TNS2: variants seen among roughly 807,000 people sequenced by gnomAD.
TNS2 encodes the protein tensin-2.
In TNS2, 77 loss-of-function variants were observed where a neutral mutation model predicts 155.7. The ratio of observed to expected loss-of-function variants is 0.49; its 90% confidence interval spans 0.41 to 0.60. The LOEUF is 0.60. Among genes scored for constraint, TNS2 ranks in the 20% least tolerant of loss-of-function variants. The pLI, the probability that TNS2 is intolerant of heterozygous loss-of-function variation, is 0.00. For synonymous variants in TNS2, 726 were observed against 763.9 expected (o/e 0.95, Z 0.82); for missense variants, 1,703 against 1,868.8 (o/e 0.91, Z 1.64).
rs1565614499 is a variant in TNS2 at position 53,063,407 on chromosome 12, C to G, written c.4051C>G (p.Gln1351Glu). The G allele has an allele frequency of 6.2e-7, 1 of 1,614,078 alleles. No homozygotes were observed. The change falls in exon 27 of 29, where the codon CAA (glutamine) becomes GAA (glutamate). Residue 1351 changes from glutamine (Q) to glutamate (E), a missense_variant. Physicochemically the swap from Gln to Glu is conservative, Grantham distance 29. Transcript: ENST00000314250. This position sits in a 1 kb window ranked among gnomAD's most constrained non-coding sequence, Gnocchi z 5.6. ...NSITFSSTDPQDRRWTNPDGT... is the reference protein window; with the variant it reads ...NSITFSSTDPEDRRWTNPDGT... ...CATCACCTTCTCCAGCACTGACCCT[C>G]AAGACCGGAGGTGACTCTCCCTCCA... is the stretch of plus-strand genomic sequence containing the variant.
rs1944305934 is a variant in TNS2 at position 53,059,648 on chromosome 12, C to CA, written c.2007_2008insA (p.Ala670SerfsTer51). 3 of 1,613,258 alleles carry CA rather than the reference C, an allele frequency of 1.9e-6. No individual in the cohort carries two copies. The highest frequency in any genetic ancestry group is 2.2e-5 in the South Asian group (2 of 91,088). ...CAGCCACTGGGGACTTTGGCTACCG[C>CA]GCCCCAGGCTACCGGGAGGTGGTCA... On this transcript the variant is annotated frameshift_variant, in exon 18 of 29. Transcript: ENST00000314250. LOFTEE classifies it high-confidence loss of function. The surrounding 1 kb of genome is among the most constrained non-coding windows in gnomAD (Gnocchi z 4.7).
At chr12:53,057,718 C>T in intron 12 of TNS2, 39 bp downstream of exon 12, 1 of 1,613,666 alleles carries the variant, frequency 6.2e-7, no homozygotes, top group African/African-American at 1.3e-5. Context: ...GGAGAACCAC[C>T]TTCAGGCCCT....
In TNS2 at chr12:53,057,081, A is replaced by G. The variant is rs746785173; in HGVS notation, c.830A>G (p.Gln277Arg). The G allele has an allele frequency of 3.7e-6, 6 of 1,613,140 alleles. No homozygotes were observed. In the Admixed American group the frequency reaches 1.0e-4, roughly 27 times the overall value. The change falls in exon 11 of 29, where the codon CAG (glutamine) becomes CGG (arginine). Residue 277 changes from glutamine (Q) to arginine (R), a missense_variant. Transcript: ENST00000314250. The stretch of plus-strand genomic sequence containing the variant: ...GAGGACAAGGTGGCCACAGAACTGC[A>G]GCCCTCCCAGCGTCGGTGAGCAGCC... ...FCEDKVATEL[Q>R]PSQRRYISYF...
Position 53,060,289 on chromosome 12 carries a change from G to T in TNS2, c.2617+31G>T. On this transcript the variant is annotated intron_variant, in intron 18 of 28. Coordinates refer to ENST00000314250, the MANE Select transcript of TNS2 (RefSeq NM_170754.4). This position sits in a 1 kb window ranked among gnomAD's most constrained non-coding sequence, Gnocchi z 6.1. ...GGGCACCAGAGTGCGGAGTGCCCAGGGCAGAGGAGGTTCTGGAAGATGGTG... is the reference window on the plus strand; with the variant it reads ...GGGCACCAGAGTGCGGAGTGCCCAGTGCAGAGGAGGTTCTGGAAGATGGTG... 1 of 1,546,250 alleles carries T rather than the reference G, an allele frequency of 6.5e-7. No individual in the cohort carries two copies. The highest frequency in any genetic ancestry group is 1.2e-5 in the South Asian group (1 of 81,678).
rs928030358 is a variant in TNS2, at chr12:53,059,194, C to T, written c.1553C>T (p.Thr518Met). The change falls in exon 18 of 29, where the codon ACG becomes ATG. Residue 518 changes from threonine to methionine, a missense_variant. Physicochemically the swap from Thr to Met is moderately conservative, Grantham distance 81 (BLOSUM62 -1). Transcript: ENST00000314250. This position sits in a 1 kb window ranked among gnomAD's most constrained non-coding sequence, Gnocchi z 4.7. ...SVSSDSGHSS[T>M]LTTEPAAESP... is the part of the protein sequence containing the mutation. ...AGCAGCGACTCAGGCCATTCCTCCA[C>T]GCTGACCACAGAGCCGGCTGCTGAG... 1.6e-5 allele frequency: 26 copies of T among 1,597,482 alleles called. No homozygotes were observed. The highest frequency in any genetic ancestry group is 3.3e-5 in the South Asian group (3 of 90,012).
In TNS2 at chr12:53,059,800, A is replaced by G; in HGVS notation, c.2159A>G (p.Glu720Gly). Residue 720 changes from glutamate to glycine, a missense_variant, in exon 18 of 29, where the codon GAG (glutamate) becomes GGG (glycine). Coordinates refer to ENST00000314250, the MANE Select transcript of TNS2 (RefSeq NM_170754.4). This position sits in a 1 kb window ranked among gnomAD's most constrained non-coding sequence, Gnocchi z 4.7. ...EREAGEGWAS[E>G]AGKPLLHPVR... ...GAGGCTGGAGAAGGGTGGGCAAGTG[A>G]GGCTGGCAAGCCTCTCCTGCACCCA... 1 of 1,612,450 alleles carries G rather than the reference A, an allele frequency of 6.2e-7. No homozygotes were observed. Among genetic ancestry groups the G allele is most frequent in the Non-Finnish European group, 8.5e-7 (1 of 1,179,686 alleles).
rs188102991 is a variant in TNS2 at position 53,054,427 on chromosome 12, C to T, written c.508C>T (p.Arg170Trp). 16 of 1,604,156 alleles carry T rather than the reference C, an allele frequency of 1.0e-5. No homozygotes were observed. Among genetic ancestry groups the T allele is most frequent in the African/African-American group, 4.0e-5 (3 of 74,350 alleles). Residue 170 changes from arginine to tryptophan, a missense_variant, in exon 7 of 29, where the codon CGG becomes TGG. Arg to Trp is a moderately radical substitution (Grantham distance 101, BLOSUM62 -3). Coordinates refer to ENST00000314250, the MANE Select transcript of TNS2 (RefSeq NM_170754.4). ...ELAHVLQSKH[R>W]DKYLLFNLSE... The stretch of plus-strand genomic sequence containing the variant: ...GGCCCATGTGCTGCAATCCAAGCAC[C>T]GGGACAAGTACCTGGTGAGGGGCGG...
intron 7 of TNS2, 106 bp from the exon 8 acceptor site, chr12:53,055,080 G>C (rs528195491): frequency 1.5e-6 from 2 of 1,346,350 alleles, no homozygotes. Flanking sequence ...TACTGCGACC[G>C]GCCTGCACCT....
intron 21 of TNS2, 111 bp from the exon 22 acceptor site, chr12:53,061,704 G>A: frequency 6.6e-7 from 1 of 1,518,978 alleles, no homozygotes; most frequent in Non-Finnish European, 8.8e-7. Flanking sequence ...CGCCACCACA[G>A]CTGTCAGGGC....
At chr12:53,049,352 G>T (rs1943841238), upstream of TNS2, 1 of 972,478 alleles carries the variant, frequency 1.0e-6, no homozygotes, top group Non-Finnish European at 1.5e-6. Context: ...GTGAGATCAT[G>T]TCTGAAACAA....
At chr12:53,052,614 C>A (rs1451270436) in intron 3 of TNS2, 122 bp downstream of exon 3, 23 of 1,369,686 alleles carry the variant, frequency 1.7e-5, no homozygotes, top group South Asian at 1.2e-5. Context: ...CACTGGGGAA[C>A]CCCTCCTGGG....
chr12:53,060,174 A>G lies in TNS2; in HGVS notation c.2533A>G (p.Ser845Gly), dbSNP rs893149805. The G allele has an allele frequency of 1.9e-6, 3 of 1,604,310 alleles. No homozygotes were observed. Among genetic ancestry groups the G allele is most frequent in the Non-Finnish European group, 2.6e-6 (3 of 1,175,098 alleles). ...GCCCTATCCACAATCTAGGAAGCTGAGCTACGAGATCCCTACGGAGGAGGG... is the reference window on the plus strand; with the variant it reads ...GCCCTATCCACAATCTAGGAAGCTGGGCTACGAGATCCCTACGGAGGAGGG... ...SPPYPQSRKL[S>G]YEIPTEEGGD... The change falls in exon 18 of 29, where the codon AGC becomes GGC. Residue 845 changes from serine to glycine, a missense_variant. Ser to Gly is a moderately conservative substitution (Grantham distance 56). Transcript: ENST00000314250. This position sits in a 1 kb window ranked among gnomAD's most constrained non-coding sequence, Gnocchi z 6.1.
rs757431869 is a variant in TNS2, at chr12:53,054,346, G to A, written c.427G>A (p.Ala143Thr). The A allele has an allele frequency of 6.2e-7, 1 of 1,612,818 alleles. No individual in the cohort carries two copies. The highest frequency in any genetic ancestry group is 2.2e-5 in the East Asian group (1 of 44,866). The change falls in exon 7 of 29, where the codon GCC becomes ACC. Residue 143 changes from alanine to threonine, a missense_variant. Coordinates refer to ENST00000314250, the MANE Select transcript of TNS2 (RefSeq NM_170754.4). ...LTYVTERILA[A>T]AFPARPDEQR... ...CTACGTGACGGAGCGCATCTTGGCC[G>A]CCGCCTTCCCCGCGCGGCCCGATGA...
At position 53,063,482 on chromosome 12, in the gene TNS2, C is replaced by G; in HGVS notation, c.4061+65C>G. 6.2e-7 allele frequency: 1 copy of G among 1,611,294 alleles called. No individual in the cohort carries two copies. The highest frequency in any genetic ancestry group is 8.5e-7 in the Non-Finnish European group (1 of 1,179,506). ...GTCCCACCAGGTCCCAGCTCCCAGC[C>G]CCAGCCCCAGCCCCGGCCCCGGCCC... On this transcript the variant is annotated intron_variant, in intron 27 of 28. Transcript: ENST00000314250. This position sits in a 1 kb window ranked among gnomAD's most constrained non-coding sequence, Gnocchi z 5.6.
chr12:53,060,748 CCT>C lies in TNS2; in HGVS notation c.2843_2844del (p.Pro948ArgfsTer11), dbSNP rs767278652. On this transcript the variant is annotated frameshift_variant, in exon 20 of 29. Transcript: ENST00000314250. LOFTEE classifies it high-confidence loss of function. The surrounding 1 kb of genome is among the most constrained non-coding windows in gnomAD (Gnocchi z 6.1). The part of the protein sequence containing the change: ...QRLSPGEALP[P>X]VSQAGTGKAP... Reference sequence around the variant, plus strand: ...ACTGAGTCCTGGCGAGGCCTTGCCCCCTGTTTCCCAGGCAGGCACCGGAAAGG... The same window carrying C: ...ACTGAGTCCTGGCGAGGCCTTGCCCCGTTTCCCAGGCAGGCACCGGAAAGG... The C allele has an allele frequency of 1.6e-5, 26 of 1,611,138 alleles. No individual in the cohort carries two copies. The highest frequency in any genetic ancestry group is 5.5e-5 in the South Asian group (5 of 90,902).
chr12:53,053,796 G>A lies in TNS2; in HGVS notation c.284G>A (p.Arg95Lys), dbSNP rs1045470481. 2 of 1,612,234 alleles carry A rather than the reference G, an allele frequency of 1.2e-6. No individual in the cohort carries two copies. Among genetic ancestry groups the A allele is most frequent in the Non-Finnish European group, 1.7e-6 (2 of 1,179,390 alleles). Reference sequence around the variant, plus strand: ...TAGCGGCGAAACACGGCCCCAGTCAGGCGCATAGAGCACCTGGTAAGGTGA... The same window carrying A: ...TAGCGGCGAAACACGGCCCCAGTCAAGCGCATAGAGCACCTGGTAAGGTGA... ...VELRRNTAPVRRIEHLGSTKS... is the reference protein window; with the variant it reads ...VELRRNTAPVKRIEHLGSTKS... The change falls in exon 5 of 29, where the codon AGG (arginine) becomes AAG (lysine). Residue 95 changes from arginine to lysine, a missense_variant. Arg to Lys is a conservative substitution (Grantham distance 26). Transcript: ENST00000314250.
At chr12:53,049,205 G>T (rs1460883349), upstream of TNS2, 5 of 1,604,836 alleles carry the variant, frequency 3.1e-6, no homozygotes, top group East Asian at 1.1e-4. Flanking sequence ...CAGGCCCTGG[G>T]ACAGCTGCTG....
Position 53,059,034 on chromosome 12 carries a change from C to T in TNS2, c.1406-13C>T, listed in dbSNP as rs762059462. The T allele has an allele frequency of 6.5e-7, 1 of 1,536,020 alleles. No homozygotes were observed. On this transcript the variant is annotated splice_polypyrimidine_tract_variant and intron_variant, in intron 17 of 28. Transcript: ENST00000314250. This position sits in a 1 kb window ranked among gnomAD's most constrained non-coding sequence, Gnocchi z 4.7. The stretch of plus-strand genomic sequence containing the variant: ...CCGCTTGCCCTCCCTCCCTGATCCT[C>T]TTCCCCACTCAGGCTCCTTGACCCA...
chr12:53,051,412 T>C (rs1024924984), intron 1 of TNS2, among the ~76,000 whole-genome samples: 2 of 152,228 alleles, frequency 1.3e-5, no homozygotes, highest in African/African-American at 4.8e-5. Context: ...AGGCCACTCC[T>C]GCCGGCTCAG....
Sources: allele counts gnomAD v4.1 joint callset (sites outside exome capture counted in the v4.1 genomes callset), GRCh38; gene constraint gnomAD v4.1.1; non-coding constraint Gnocchi (gnomAD v3.1); transcripts MANE v1.5; gene names NCBI Gene and HGNC (gene_info 2026-07-23, HGNC 2026-07-21).